Variants in CASK observed in about 807,000 individuals in gnomAD.
The protein encoded by CASK is peripheral plasma membrane protein CASK.
In CASK, 4 loss-of-function variants were observed where a neutral mutation model predicts 82.9. The ratio of observed to expected loss-of-function variants is 0.05; its 90% CI spans 0.02 to 0.11. The LOEUF is 0.11. Among genes scored for constraint, CASK ranks in the 10% least tolerant of loss-of-function variants. The probability of loss-of-function intolerance (pLI) is 1.00; values close to 1 mark genes in which losing one functional copy is unlikely to be tolerated. For missense variants in CASK, 358 were observed against 720.9 expected, an observed-to-expected ratio of 0.50 and a Z score of 5.76; for synonymous variants, 259 against 253.5, an observed-to-expected ratio of 1.02 and a Z score of -0.20.
intron 11 of CASK, among the ~76,000 whole-genome samples, chrX:41,616,000 C>T (rs1479414444): frequency 9.0e-6 from 1 of 111,513 alleles, no homozygotes; most frequent in Non-Finnish European, 1.9e-5. Context: ...AAAGCAAAAA[C>T]AACCTTTTAT....
intron 1 of CASK, among the ~76,000 whole-genome samples, chrX:41,869,812 C>CA (rs72190097): frequency 0.25 from 2,984 of 11,915 alleles, 598 homozygotes; most frequent in Non-Finnish European, 0.29. Flanking sequence ...GACTCTGTCT[C>CA]AAAAAAAAAA....
chrX:41,727,723 A>C, intron 5 of CASK: 1 of 1,204,784 alleles, frequency 8.3e-7, no homozygotes, highest in Non-Finnish European at 1.1e-6. Context: ...AAAAATAAGA[A>C]CCTGTACGTC....
intron 2 of CASK, among the ~76,000 whole-genome samples, chrX:41,842,701 T>C (rs2071068882): frequency 9.0e-6 from 1 of 111,726 alleles, no homozygotes; most frequent in African/African-American, 3.2e-5. Context: ...TTGTCAATTT[T>C]TGCAAAAAGC....
At chrX:41,914,468 G>T (rs1222128787) in intron 1 of CASK, among the ~76,000 whole-genome samples, 1 of 112,398 alleles carries the variant, frequency 8.9e-6, no homozygotes, top group Non-Finnish European at 1.9e-5. Context: ...ATTGTGAATG[G>T]ATGTGGACAA....
intron 2 of CASK, among the ~76,000 whole-genome samples, chrX:41,831,004 T>C (rs2070798895): frequency 9.1e-6 from 1 of 110,354 alleles, no homozygotes; most frequent in Non-Finnish European, 1.9e-5. Flanking sequence ...TGTTCTCTTA[T>C]TGCACCATCC....
chrX:41,884,974 C>T (rs975156714), intron 1 of CASK, among the ~76,000 whole-genome samples: 8 of 112,036 alleles, frequency 7.1e-5, no homozygotes, highest in African/African-American at 2.6e-4. Context: ...TTCCACATTG[C>T]CAAATTCAAT....
intron 2 of CASK, among the ~76,000 whole-genome samples, chrX:41,824,926 T>C (rs1035325971): frequency 1.8e-5 from 2 of 111,798 alleles, no homozygotes; most frequent in African/African-American, 6.5e-5. Context: ...TACTAGCCAA[T>C]TACCCCAACC....
chrX:41,795,549 C>T (rs1262755262), intron 2 of CASK, among the ~76,000 whole-genome samples: 2 of 110,743 alleles, frequency 1.8e-5, no homozygotes, highest in African/African-American at 3.3e-5. Flanking sequence ...GCCTGTAGTC[C>T]CAGCTACTCA....
chrX:41,888,691 GTA>G (rs200935896), intron 1 of CASK, among the ~76,000 whole-genome samples: 18,637 of 101,314 alleles, frequency 0.18, 1,550 homozygotes, highest in Middle Eastern at 0.3. Context: ...GTGAATATAT[GTA>G]TATATATACG....
chrX:41,683,144 A>G (rs769622698), intron 5 of CASK: 4 of 111,279 alleles, frequency 3.6e-5, no homozygotes, highest in South Asian at 3.8e-4. Context: ...TTATGTTGAC[A>G]TTATTTAATT....
chrX:41,570,288 C>T (rs968251117), intron 15 of CASK, among the ~76,000 whole-genome samples: 1 of 111,269 alleles, frequency 9.0e-6, no homozygotes, highest in Non-Finnish European at 1.9e-5. Flanking sequence ...AAAGTGCTGG[C>T]ATTACAGGTG....
intron 12 of CASK, among the ~76,000 whole-genome samples, chrX:41,599,673 T>C (rs997829377): frequency 1.7e-4 from 19 of 112,282 alleles, no homozygotes; most frequent in African/African-American, 4.9e-4. Flanking sequence ...CCTAACAACA[T>C]AGGCCAGTGT....
rs1355121378 is a variant in CASK at position 41,589,499 on chromosome X, A to G, written c.1233+16T>C. Reference sequence around the variant, plus strand: ...ATATGATGATGCCAAATACTTCTATAAAATATATCACTTACCTCTTTGGCT... The same window carrying G: ...ATATGATGATGCCAAATACTTCTATGAAATATATCACTTACCTCTTTGGCT... On this transcript the variant is annotated intron_variant, in intron 13 of 26. Transcript: ENST00000378163. 2.6e-6 allele frequency: 3 copies of G among 1,135,352 alleles called. No homozygotes were observed. The South Asian group carries it at 5.5e-5, about 21-fold the overall frequency. 93.6% of individuals were successfully genotyped at this position (1,135,352 alleles called of 1,213,427 possible). A position where few individuals can be genotyped will look rare whatever the true frequency, so the allele number is the denominator to read the frequency against.
intron 9 of CASK, 141 bp downstream of exon 9, chrX:41,636,437 G>T: frequency 2.1e-6 from 1 of 479,369 alleles, no homozygotes; most frequent in Admixed American, 3.1e-5. Flanking sequence ...TATTGAAGTG[G>T]TGGTAATTTT....
intron 11 of CASK, among the ~76,000 whole-genome samples, chrX:41,616,491 T>G (rs1479385945): frequency 2.7e-5 from 3 of 112,021 alleles, no homozygotes; most frequent in African/African-American, 9.7e-5. Context: ...ACTAATAGGC[T>G]ATGCTAGGAA....
chrX:41,754,612 A>G (rs889923486), intron 3 of CASK, among the ~76,000 whole-genome samples: 1 of 111,698 alleles, frequency 9.0e-6, no homozygotes, highest in African/African-American at 3.3e-5. Context: ...ACAAAAAGAA[A>G]AGAGAAAAGA....
At chrX:41,522,637 T>C (rs768904581) in intron 26 of CASK, among the ~76,000 whole-genome samples, 2 of 112,319 alleles carry the variant, frequency 1.8e-5, no homozygotes, top group South Asian at 7.4e-4. Flanking sequence ...TCTATTTGAA[T>C]ATATAGTCCT....
At chrX:41,894,589 C>T (rs1214822428) in intron 1 of CASK, among the ~76,000 whole-genome samples, 1 of 96,760 alleles carries the variant, frequency 1.0e-5, no homozygotes, top group Non-Finnish European at 2.1e-5. Flanking sequence ...AAGAAACCAC[C>T]CAAATATTAA....
At chrX:41,724,029 G>T (rs1358544995) in intron 5 of CASK, 12 of 112,156 alleles carry the variant, frequency 1.1e-4, no homozygotes, top group Admixed American at 2.8e-4. Flanking sequence ...TATGTATATT[G>T]TTCACCACTT....
Sources: gnomAD v4.1 joint callset for allele counts (sites outside exome capture counted in the v4.1 genomes callset) on GRCh38, gnomAD v4.1.1 for gene constraint, MANE v1.5 for transcripts, NCBI Gene and HGNC (gene_info 2026-07-23, HGNC 2026-07-21) for gene names.